The following IPO11 variants were observed in gnomAD, a reference collection of about 807,000 sequenced individuals.
IPO11 encodes the protein importin 11.
Under a neutral mutation model 143.2 loss-of-function variants are expected in IPO11, and 66 were observed. The ratio of observed to expected loss-of-function variants is 0.46; its 90% CI spans 0.38 to 0.57. The LOEUF (loss-of-function observed/expected upper bound fraction) is 0.57, where lower values mean the gene tolerates loss of function less well. Among genes scored for constraint, IPO11 ranks in the 20% least tolerant of loss-of-function variants. The pLI is 0.00. For synonymous variants in IPO11, 385 were observed against 377.8 expected, an observed-to-expected ratio of 1.02 and a Z score of -0.22; for missense variants, 1,026 against 1,141.0, an observed-to-expected ratio of 0.90 and a Z score of 1.45.
intron 27 of IPO11, among the ~76,000 whole-genome samples, chr5:62,590,137 G>T (rs1365219218): frequency 6.6e-6 from 1 of 152,252 alleles, no homozygotes. Context: ...AATTGTAGCA[G>T]CTTTCAGCTA....
At chr5:62,539,574 C>T (rs1006593332) in intron 24 of IPO11, among the ~76,000 whole-genome samples, 1 of 152,154 alleles carries the variant, frequency 6.6e-6, no homozygotes, top group African/African-American at 2.4e-5. Flanking sequence ...ATCATGTGGG[C>T]TCTAAAGGAC....
At chr5:62,614,574 A>G (rs1282718125) in intron 29 of IPO11, among the ~76,000 whole-genome samples, 4 of 152,264 alleles carry the variant, frequency 2.6e-5, no homozygotes, top group African/African-American at 9.6e-5. Context: ...TGACTCATCC[A>G]CAAGTGCTCA....
rs989477207 is a variant in IPO11, at chr5:62,627,067, A to G, written c.2764-87A>G. On this transcript the variant is annotated intron_variant, in intron 29 of 29. Coordinates refer to ENST00000325324, the MANE Select transcript of IPO11 (RefSeq NM_016338.5). ...GCAGAAGCAATTTTGTTACTGTAGA[A>G]GAGATTACAAAGAACTTTTGTAAAT... The G allele has an allele frequency of 2.5e-6, 3 of 1,196,860 alleles. No homozygotes were observed. The African/African-American group carries it at 4.5e-5, about 18-fold the overall frequency. 74.1% of individuals were successfully genotyped at this position (1,196,860 alleles called of 1,614,324 possible).
rs1036801457 is a variant in IPO11 at position 62,618,308 on chromosome 5, G to A, written c.2764-8846G>A. 2.0e-5 allele frequency among the ~76,000 whole-genome samples: 3 copies of A among 151,802 alleles called. No homozygotes were observed. In the South Asian group the frequency reaches 6.2e-4, roughly 31 times the overall value. On this transcript the variant is annotated intron_variant, in intron 29 of 29. Transcript: ENST00000325324. ...GATTGTTACACATAAAAACATGGGA[G>A]CAAAACTTAATTATTCCTAACCTTA...
In IPO11 at chr5:62,449,873, A is replaced by G. The variant is rs569158349; in HGVS notation, c.240-54A>G. The G allele has an allele frequency of 5.3e-6, 6 of 1,142,294 alleles. No homozygotes were observed. In the African/African-American group the frequency reaches 8.0e-5, roughly 15 times the overall value. The allele number at this position is 1,142,294 out of a possible 1,614,324, so 70.8% of individuals were successfully genotyped here. A position where few individuals can be genotyped will look rare whatever the true frequency, so the allele number is the denominator to read the frequency against. The stretch of plus-strand genomic sequence containing the variant: ...AAAATTTACAGTAATGCTTACCTAC[A>G]TTTATTATTAGGTGGCATTCTTTTG... On this transcript the variant is annotated intron_variant, in intron 3 of 29. Coordinates refer to ENST00000325324, the MANE Select transcript of IPO11 (RefSeq NM_016338.5).
At chr5:62,510,142 C>G (rs1454243991) in intron 19 of IPO11, among the ~76,000 whole-genome samples, 2 of 152,128 alleles carry the variant, frequency 1.3e-5, no homozygotes, top group Non-Finnish European at 2.9e-5. Context: ...CTTGCATTTC[C>G]CTAATGACTG....
chr5:62,576,683 T>C (rs1205926309), intron 27 of IPO11, among the ~76,000 whole-genome samples: 1 of 152,158 alleles, frequency 6.6e-6, no homozygotes. Context: ...CTCAAGAGGC[T>C]GAGGGAAGAG....
chr5:62,460,642 T>C (rs1745323056), intron 5 of IPO11, among the ~76,000 whole-genome samples: 2 of 152,222 alleles, frequency 1.3e-5, no homozygotes, highest in African/African-American at 4.8e-5. Flanking sequence ...GTCAAGGCTT[T>C]GGGCTTCTCA....
rs1745348449 is a variant in IPO11, at chr5:62,598,500, TTC to T, written c.2679-3262_2679-3261del. 7.9e-4 allele frequency among the ~76,000 whole-genome samples: 4 copies of T among 5,056 alleles called. 2 individuals are homozygous for T. In the African/African-American group the frequency reaches 0.012, roughly 16 times the overall value. The allele number at this position is 5,056 out of a possible 152,430, so 3.3% of individuals were successfully genotyped here. A position where few individuals can be genotyped will look rare whatever the true frequency, so the allele number is the denominator to read the frequency against. ...TCTCTCTCTCTCTCTCTCTCTTTCTTTCTTTCTTTCTTTCTTTCTTTCTTTCT... is the reference window on the plus strand; with the variant it reads ...TCTCTCTCTCTCTCTCTCTCTTTCTTTTTCTTTCTTTCTTTCTTTCTTTCT... On this transcript the variant is annotated intron_variant, in intron 28 of 29. Coordinates refer to ENST00000325324, the MANE Select transcript of IPO11 (RefSeq NM_016338.5).
intron 27 of IPO11, among the ~76,000 whole-genome samples, chr5:62,568,988 G>A (rs1352614166): frequency 6.6e-6 from 1 of 152,232 alleles, no homozygotes; most frequent in Non-Finnish European, 1.5e-5. Context: ...AAGGCCAGGT[G>A]TGCTGTTCAC....
At chr5:62,500,645 A>G (rs1472725435) in intron 16 of IPO11, among the ~76,000 whole-genome samples, 1 of 152,118 alleles carries the variant, frequency 6.6e-6, no homozygotes, top group Non-Finnish European at 1.5e-5. Context: ...TTACAAGTGC[A>G]TGTTACCAGG....
rs139786438 is a variant in IPO11 at position 62,506,407 on chromosome 5, C to T, written c.1782+50C>T. On this transcript the variant is annotated intron_variant, in intron 19 of 29. Coordinates refer to ENST00000325324, the MANE Select transcript of IPO11 (RefSeq NM_016338.5). The stretch of plus-strand genomic sequence containing the variant: ...ATAAATGAGGGGTGGGTAGAATAGA[C>T]GTAGAATTCATTAATATCCTTGACT... 1.2e-4 allele frequency: 116 copies of T among 1,005,330 alleles called. No homozygotes were observed. In the African/African-American group the frequency reaches 1.2e-3, roughly 11 times the overall value. 62.3% of individuals were successfully genotyped at this position (1,005,330 alleles called of 1,614,324 possible). A position where few individuals can be genotyped will look rare whatever the true frequency, so the allele number is the denominator to read the frequency against.
chr5:62,628,493 G>A lies in IPO11; in HGVS notation c.*1175G>A, dbSNP rs1746660939. 1 of 152,608 alleles carries A rather than the reference G, an allele frequency of 6.6e-6. No homozygotes were observed. The highest frequency in any genetic ancestry group is 2.4e-5 in the African/African-American group (1 of 41,448). 9.5% of individuals were successfully genotyped at this position (152,608 alleles called of 1,614,324 possible). ...CGGGAAACCCACTGCCCCTTTGTAA[G>A]CTGTGGAACCCAAACTGTATGGGGA... On this transcript the variant is annotated 3_prime_UTR_variant, in exon 30 of 30. Transcript: ENST00000325324.
chr5:62,590,507 C>A (rs764988938), intron 27 of IPO11, among the ~76,000 whole-genome samples: 26 of 152,020 alleles, frequency 1.7e-4, no homozygotes, highest in Middle Eastern at 3.4e-3. Context: ...TAATTAGGTA[C>A]CATGTATAAA....
intron 16 of IPO11, among the ~76,000 whole-genome samples, chr5:62,497,504 G>A (rs1203978580): frequency 6.6e-6 from 1 of 151,920 alleles, no homozygotes; most frequent in Non-Finnish European, 1.5e-5. Context: ...GTCTCACTTT[G>A]TTGCCCAGGC....
intron 18 of IPO11, among the ~76,000 whole-genome samples, chr5:62,505,285 T>C (rs1462246633): frequency 6.6e-6 from 1 of 152,148 alleles, no homozygotes; most frequent in Non-Finnish European, 1.5e-5. Context: ...CACTAGACTG[T>C]AAATTACTTG....
At chr5:62,540,960 A>G (rs1742915188) in intron 24 of IPO11, among the ~76,000 whole-genome samples, 1 of 152,264 alleles carries the variant, frequency 6.6e-6, no homozygotes, top group Non-Finnish European at 1.5e-5. Context: ...TATTTGAAAT[A>G]AATACTTAAG....
At chr5:62,474,320 G>A (rs1438395686) in intron 7 of IPO11, 96 bp from the exon 8 acceptor site, 2 of 696,364 alleles carry the variant, frequency 2.9e-6, no homozygotes, top group Non-Finnish European at 4.6e-6. Flanking sequence ...ATTTTTTTAA[G>A]TGATGTGATA....
At chr5:62,435,150 A>ATG (rs1744156042) in intron 1 of IPO11, among the ~76,000 whole-genome samples, 1 of 98,166 alleles carries the variant, frequency 1.0e-5, no homozygotes, top group African/African-American at 4.4e-5. Flanking sequence ...ATATGTATAT[A>ATG]TGTATATATA....
Sources: gnomAD v4.1 joint callset for allele counts (sites outside exome capture counted in the v4.1 genomes callset) on GRCh38, gnomAD v4.1.1 for gene constraint, MANE v1.5 for transcripts, NCBI Gene and HGNC (gene_info 2026-07-23, HGNC 2026-07-21) for gene names.